Variants in LYPLAL1 observed in about 807,000 individuals in gnomAD.
The protein encoded by LYPLAL1 is lysophospholipase like 1, also known as lysophospholipase-like protein 1.
Under a neutral mutation model 19.7 loss-of-function variants are expected in LYPLAL1, and 23 were observed. The ratio of observed to expected loss-of-function variants is 1.17; its 90% CI spans 0.84 to 1.65. The LOEUF (loss-of-function observed/expected upper bound fraction) is 1.65. Among genes scored for constraint, LYPLAL1 ranks in the 40% most tolerant of loss-of-function variants. The pLI is 0.00. For missense variants in LYPLAL1, 355 were observed against 279.4 expected (o/e 1.27, Z -1.93); for synonymous variants, 119 against 96.3 (o/e 1.24, Z -1.38).
chr1:219,389,675 G>T, the LYPLAL1 span, among the ~76,000 whole-genome samples: 1 of 152,142 alleles, frequency 6.6e-6, no homozygotes, highest in South Asian at 2.1e-4. Context: ...TAATACCAAT[G>T]AAGAACTGTA....
At chr1:219,437,088 G>A in the LYPLAL1 span, 1 of 152,214 alleles carries the variant, frequency 6.6e-6, no homozygotes, top group African/African-American at 2.4e-5. Flanking sequence ...TAGGTGTTTA[G>A]TGTTATCCTC....
intron 3 of LYPLAL1, among the ~76,000 whole-genome samples, chr1:219,208,870 C>T (rs1281414927): frequency 6.6e-6 from 1 of 152,100 alleles, no homozygotes; most frequent in Non-Finnish European, 1.5e-5. Context: ...TGTGTACTTA[C>T]AATAAATGTT....
At chr1:219,256,399 C>G in the LYPLAL1 span, among the ~76,000 whole-genome samples, 1 of 151,554 alleles carries the variant, frequency 6.6e-6, no homozygotes, top group African/African-American at 2.4e-5. Context: ...AATAATGATC[C>G]CTTTTTCCAG....
the LYPLAL1 span, chr1:219,223,293 A>T: frequency 8.5e-5 from 13 of 152,256 alleles, no homozygotes; most frequent in African/African-American, 2.9e-4. Context: ...ATTAAGAGGA[A>T]ATAAAGTGAA....
chr1:219,410,852 C>A, the LYPLAL1 span, among the ~76,000 whole-genome samples: 1 of 152,244 alleles, frequency 6.6e-6, no homozygotes, highest in African/African-American at 2.4e-5. Flanking sequence ...ACCGGCGCTG[C>A]GCTCGATTTC....
At chr1:219,391,720 C>G in the LYPLAL1 span, among the ~76,000 whole-genome samples, 32 of 152,270 alleles carry the variant, frequency 2.1e-4, no homozygotes, top group Non-Finnish European at 4.7e-4. Context: ...TAAAGCCACT[C>G]TATTTCTTTC....
chr1:219,239,241 G>C, the LYPLAL1 span, among the ~76,000 whole-genome samples: 1 of 152,286 alleles, frequency 6.6e-6, no homozygotes, highest in Non-Finnish European at 1.5e-5. Context: ...AGAGAGCTGG[G>C]ATTTGAACAT....
At chr1:219,316,150 T>A in the LYPLAL1 span, among the ~76,000 whole-genome samples, 4 of 152,212 alleles carry the variant, frequency 2.6e-5, no homozygotes, top group Admixed American at 6.5e-5. Flanking sequence ...ATGGTGTTTA[T>A]CATCAAAGAT....
At chr1:219,233,821 A>C in the LYPLAL1 span, among the ~76,000 whole-genome samples, 1 of 152,198 alleles carries the variant, frequency 6.6e-6, no homozygotes, top group Admixed American at 6.5e-5. Context: ...TAGCACTTTA[A>C]ATAAAAAAGG....
At chr1:219,187,880 T>G (rs1656852134) in intron 2 of LYPLAL1, among the ~76,000 whole-genome samples, 1 of 151,778 alleles carries the variant, frequency 6.6e-6, no homozygotes, top group African/African-American at 2.4e-5. Flanking sequence ...GAAGAAATAA[T>G]GTACTTCTTT....
At chr1:219,257,353 G>GTTTTTTTTTTTTTTTTTTTTTTTTTTT in the LYPLAL1 span, among the ~76,000 whole-genome samples, 1 of 132,580 alleles carries the variant, frequency 7.5e-6, no homozygotes, top group Non-Finnish European at 1.6e-5. Flanking sequence ...ATCCATACCA[G>GTTTTTTTTTTTTTTTTTTTTTTTTTTT]TTTTTGTTTT....
At chr1:219,365,214 T>A in the LYPLAL1 span, among the ~76,000 whole-genome samples, 40 of 152,200 alleles carry the variant, frequency 2.6e-4, no homozygotes, top group African/African-American at 7.7e-4. Flanking sequence ...ATCTTTTTTT[T>A]AAAGGATCAG....
intron 2 of LYPLAL1, among the ~76,000 whole-genome samples, chr1:219,183,072 C>T (rs1185430937): frequency 6.6e-6 from 1 of 152,072 alleles, no homozygotes; most frequent in Non-Finnish European, 1.5e-5. Context: ...ATTCAAGATT[C>T]CCATTTGTCT....
the LYPLAL1 span, among the ~76,000 whole-genome samples, chr1:219,397,037 G>A: frequency 1.8e-4 from 28 of 152,138 alleles, no homozygotes; most frequent in East Asian, 1.2e-3. Context: ...TTAGTATGAT[G>A]TTGGCTATGG....
the LYPLAL1 span, among the ~76,000 whole-genome samples, chr1:219,375,736 AT>A: frequency 0.076 from 10,242 of 134,388 alleles, 430 homozygotes; most frequent in South Asian, 0.14. Context: ...ATGCTTCCTG[AT>A]TTTTTTTTTT....
At chr1:219,368,684 CGT>C in the LYPLAL1 span, among the ~76,000 whole-genome samples, 3 of 152,184 alleles carry the variant, frequency 2.0e-5, no homozygotes, top group African/African-American at 7.2e-5. Context: ...TTGAAGCAAT[CGT>C]GTGTATAATT....
chr1:219,287,328 C>T, the LYPLAL1 span, among the ~76,000 whole-genome samples: 1 of 152,140 alleles, frequency 6.6e-6, no homozygotes, highest in Non-Finnish European at 1.5e-5. Flanking sequence ...TCCATTGCTA[C>T]CCCAAGCTAC....
At chr1:219,303,245 G>A in the LYPLAL1 span, among the ~76,000 whole-genome samples, 1 of 152,118 alleles carries the variant, frequency 6.6e-6, no homozygotes, top group African/African-American at 2.4e-5. Context: ...CAATGTTCCA[G>A]GCACTGATCT....
chr1:219,419,008 T>C, the LYPLAL1 span, among the ~76,000 whole-genome samples: 1 of 152,230 alleles, frequency 6.6e-6, no homozygotes, highest in African/African-American at 2.4e-5. Flanking sequence ...CACTGAATAA[T>C]ATTCCATTGT....
Sources: gnomAD v4.1 joint callset for allele counts (sites outside exome capture counted in the v4.1 genomes callset) on GRCh38, gnomAD v4.1.1 for gene constraint, MANE v1.5 for transcripts, NCBI Gene and HGNC (gene_info 2026-07-23, HGNC 2026-07-21) for gene names.